Variants in SPATA24 observed in about 807,000 individuals in gnomAD.
The protein encoded by SPATA24 is spermatogenesis associated 24.
SPATA24 carries 21 observed loss-of-function variants against 28.9 expected under a neutral mutation model. The observed-to-expected ratio is 0.73, with a 90% CI of 0.52 to 1.05. The LOEUF is 1.05. Ranked by LOEUF, SPATA24 falls within the 50% of genes least tolerant of loss-of-function variation. The pLI, the probability that SPATA24 is intolerant of heterozygous loss-of-function variation, is 0.00. For missense variants in SPATA24, 215 were observed against 242.9 expected, an observed-to-expected ratio of 0.88 and a Z score of 0.76; for synonymous variants, 76 against 89.9, an observed-to-expected ratio of 0.85 and a Z score of 0.88.
Position 139,396,773 on chromosome 5 carries a change from C to T in SPATA24, c.*27G>A. 6.4e-7 allele frequency: 1 copy of T among 1,551,668 alleles called. No individual in the cohort carries two copies. Among genetic ancestry groups the T allele is most frequent in the Non-Finnish European group, 8.7e-7 (1 of 1,146,952 alleles). ...AGAAGGCAGAGGCTGGGGATTACAG[C>T]CAGAGAACAGGAAAGCGGCGGCCAT... On this transcript the variant is annotated 3_prime_UTR_variant, in exon 6 of 6. Transcript: ENST00000450845.
intron 4 of SPATA24, among the ~76,000 whole-genome samples, chr5:139,398,881 G>C (rs1758766584): frequency 8.8e-6 from 1 of 113,164 alleles, no homozygotes; most frequent in African/African-American, 4.9e-5. Flanking sequence ...AAAATTAGCT[G>C]GGTGTGGTGG....
chr5:139,393,468 C>A (rs534808227), downstream of SPATA24: 86 of 1,551,692 alleles, frequency 5.5e-5, no homozygotes, highest in Non-Finnish European at 6.4e-5. Flanking sequence ...TTAACCCATT[C>A]TGAGCTTCCT....
chr5:139,397,242 C>T, intron 4 of SPATA24, 99 bp from the exon 5 acceptor site: 1 of 860,036 alleles, frequency 1.2e-6, no homozygotes, highest in South Asian at 1.6e-5. Flanking sequence ...GCTTGGCTCC[C>T]CACCCAAGAG....
Position 139,401,790 on chromosome 5 carries a change from G to T in SPATA24, c.350C>A (p.Ser117Tyr). 1 of 1,551,662 alleles carries T rather than the reference G, an allele frequency of 6.4e-7. No individual in the cohort carries two copies. The highest frequency in any genetic ancestry group is 8.7e-7 in the Non-Finnish European group (1 of 1,146,988). ...GGTGATGAGCTGGTCCTTCTTGCTGGACTCCTGAAGGACTTTGCTCTTGAC... is the reference window on the plus strand; with the variant it reads ...GGTGATGAGCTGGTCCTTCTTGCTGTACTCCTGAAGGACTTTGCTCTTGAC... ...SSVKSKVLQE[S>Y]SKKDQLITKC... The change falls in exon 4 of 6, where the codon TCC becomes TAC. Residue 117 changes from serine to tyrosine, a missense_variant. Physicochemically the swap from Ser to Tyr is moderately radical, Grantham distance 144 (BLOSUM62 -2). Transcript: ENST00000450845.
chr5:139,401,630 G>A, intron 4 of SPATA24, 125 bp downstream of exon 4: 1 of 1,089,046 alleles, frequency 9.2e-7, no homozygotes, highest in Non-Finnish European at 1.4e-6. Context: ...GCCCACCCGG[G>A]CCTGCCTGTA....
Position 139,399,294 on chromosome 5 carries a change from G to T in SPATA24, c.386-2151C>A, listed in dbSNP as rs1010442013. ...ATCTCGACACCGCACTCCAGCCTGG[G>T]CGGCAGAGCAAGACTCCATCTCAAA... On this transcript the variant is annotated intron_variant, in intron 4 of 5. Transcript: ENST00000450845. Among the ~76,000 whole-genome samples the T allele has an allele frequency of 3.3e-5, 5 of 150,788 alleles. No individual in the cohort carries two copies. In the East Asian group the frequency reaches 9.7e-4, roughly 29 times the overall value.
intron 1 of SPATA24, among the ~76,000 whole-genome samples, chr5:139,403,255 A>G (rs973782994): frequency 6.8e-4 from 103 of 152,264 alleles, no homozygotes; most frequent in African/African-American, 2.4e-3. Context: ...CCCACATTCA[A>G]CTTCCCAGAA....
downstream of SPATA24, chr5:139,392,871 C>T (rs1758622008): frequency 4.5e-6 from 7 of 1,544,760 alleles, 1 homozygote; most frequent in East Asian, 2.5e-5. The surrounding 1 kb of genome is among the most constrained non-coding windows in gnomAD (Gnocchi z 5.8). Flanking sequence ...AGGCCAGGGC[C>T]CCAGGCAGGC....
In SPATA24 at chr5:139,402,145, G is replaced by A. The variant is rs570637732; in HGVS notation, c.184-100C>T. On this transcript the variant is annotated intron_variant, in intron 2 of 5. Coordinates refer to ENST00000450845, the MANE Select transcript of SPATA24 (RefSeq NM_194296.2). ...TTCTCAGAGGGACACACAGAAGCCA[G>A]AGCACAGGGAGATTCTGGCCACCTT... 175 of 1,409,836 alleles carry A rather than the reference G, an allele frequency of 1.2e-4. 2 individuals are homozygous for A. In the African/African-American group the frequency reaches 2.3e-3, roughly 19 times the overall value. 87.3% of individuals were successfully genotyped at this position (1,409,836 alleles called of 1,614,324 possible).
intron 1 of SPATA24, 36 bp downstream of exon 1, chr5:139,403,908 G>C: frequency 6.6e-7 from 1 of 1,522,752 alleles, no homozygotes; most frequent in Non-Finnish European, 8.9e-7. Context: ...TGAGGCATCC[G>C]GCCCCGCCTC....
downstream of SPATA24, chr5:139,393,798 T>C: frequency 6.4e-7 from 1 of 1,551,308 alleles, no homozygotes; most frequent in Non-Finnish European, 8.7e-7. Context: ...CAGGGAACAA[T>C]GGGCTACTCA....
intron 4 of SPATA24, among the ~76,000 whole-genome samples, chr5:139,401,106 G>A (rs536304444): frequency 1.3e-5 from 2 of 152,028 alleles, no homozygotes; most frequent in Non-Finnish European, 2.9e-5. Flanking sequence ...GCAGTGAGCC[G>A]TGTGCCACCG....
chr5:139,400,666 G>C (rs1262641708), intron 4 of SPATA24, among the ~76,000 whole-genome samples: 3 of 152,104 alleles, frequency 2.0e-5, no homozygotes, highest in Non-Finnish European at 2.9e-5. Context: ...GGCTCCTGAG[G>C]TGTACGGGCA....
chr5:139,393,662 C>T (rs1363283442), downstream of SPATA24: 1 of 1,550,546 alleles, frequency 6.4e-7, no homozygotes. Flanking sequence ...GAAGGGGCTT[C>T]GAGGGACGGG....
downstream of SPATA24, chr5:139,392,525 C>G (rs553293954): frequency 4.7e-5 from 63 of 1,345,724 alleles, 1 homozygote; most frequent in Middle Eastern, 7.4e-4. The surrounding 1 kb of genome is among the most constrained non-coding windows in gnomAD (Gnocchi z 5.8). Flanking sequence ...GCCGAGGCAG[C>G]GCGGGGCTGG....
chr5:139,398,467 A>G (rs940602138), intron 4 of SPATA24, among the ~76,000 whole-genome samples: 1 of 151,884 alleles, frequency 6.6e-6, no homozygotes, highest in Non-Finnish European at 1.5e-5. Flanking sequence ...AGTCCTGGCT[A>G]CTTGCTGAGG....
At chr5:139,392,854 C>T (rs1412206621), downstream of SPATA24, 8 of 1,540,704 alleles carry the variant, frequency 5.2e-6, no homozygotes, top group Non-Finnish European at 6.1e-6. The surrounding 1 kb of genome is among the most constrained non-coding windows in gnomAD (Gnocchi z 5.8). Flanking sequence ...CTCGGGCCGG[C>T]GACCCAAGGC....
At chr5:139,396,570 G>A, downstream of SPATA24, 1 of 1,351,776 alleles carries the variant, frequency 7.4e-7, no homozygotes, top group South Asian at 1.6e-5. Context: ...AATATTACTG[G>A]GTAACCAGGG....
chr5:139,394,605 C>T (rs1184207424), downstream of SPATA24: 34 of 1,532,844 alleles, frequency 2.2e-5, no homozygotes, highest in Non-Finnish European at 3.0e-5. Flanking sequence ...CATCGGGGAC[C>T]TGGGACTGGC....
Sources: gnomAD v4.1 joint callset for allele counts (sites outside exome capture counted in the v4.1 genomes callset) on GRCh38, gnomAD v4.1.1 for gene constraint, Gnocchi (gnomAD v3.1) non-coding constraint, MANE v1.5 for transcripts, NCBI Gene and HGNC (gene_info 2026-07-23, HGNC 2026-07-21) for gene names.